The following MORF4L1 variants were observed in gnomAD, a reference collection of about 807,000 sequenced individuals.
MORF4L1 encodes the protein mortality factor 4 like 1.
Under a neutral mutation model 52.9 loss-of-function variants are expected in MORF4L1, and 4 were observed. The observed-to-expected ratio is 0.08, with a 90% CI of 0.04 to 0.17. MORF4L1 has a LOEUF of 0.17. MORF4L1 is among the 10% of genes least tolerant of loss of function. The probability of loss-of-function intolerance (pLI) is 1.00; values close to 1 mark genes in which losing one functional copy is unlikely to be tolerated. For synonymous variants in MORF4L1, 123 were observed against 134.8 expected, an observed-to-expected ratio of 0.91 and a Z score of 0.61; for missense variants, 214 against 390.4, an observed-to-expected ratio of 0.55 and a Z score of 3.81.
intron 1 of MORF4L1, among the ~76,000 whole-genome samples, chr15:78,876,062 T>C (rs555356541): frequency 1.3e-5 from 2 of 151,842 alleles, no homozygotes; most frequent in Non-Finnish European, 2.9e-5. Context: ...CTCAGCCTCC[T>C]GAGTAGCTGG....
At chr15:78,873,752 AAGTG>A (rs2056420379) in intron 1 of MORF4L1, 1 of 152,626 alleles carries the variant, frequency 6.6e-6, no homozygotes, top group Admixed American at 6.5e-5. Context: ...AGAAAAAAAA[AAGTG>A]AGATGAGCGT....
intron 1 of MORF4L1, among the ~76,000 whole-genome samples, chr15:78,875,136 C>T (rs576173599): frequency 2.0e-5 from 3 of 152,126 alleles, no homozygotes; most frequent in South Asian, 2.1e-4. Context: ...AGTTGGTTTC[C>T]TTTGTACTAG....
intron 6 of MORF4L1, 39 bp downstream of exon 6, chr15:78,891,053 C>T (rs998788317): frequency 1.4e-6 from 2 of 1,465,526 alleles, no homozygotes; most frequent in African/African-American, 1.4e-5. Context: ...TTTATGTTAC[C>T]TCTATGACAT....
chr15:78,896,281 G>A (rs1182592917), intron 11 of MORF4L1, among the ~76,000 whole-genome samples: 1 of 149,596 alleles, frequency 6.7e-6, no homozygotes, highest in Non-Finnish European at 1.5e-5. Context: ...TGGCCTGATA[G>A]GATTTTTTTC....
At chr15:78,894,945 T>C (rs761708965) in intron 11 of MORF4L1, 41 bp downstream of exon 11, 6 of 1,475,250 alleles carry the variant, frequency 4.1e-6, no homozygotes, top group Non-Finnish European at 5.7e-6. Flanking sequence ...ATTTGAAAAT[T>C]AGCGTGTAAT....
At chr15:78,889,591 CTA>C (rs879750427) in intron 5 of MORF4L1, among the ~76,000 whole-genome samples, 3 of 152,088 alleles carry the variant, frequency 2.0e-5, no homozygotes, top group East Asian at 1.9e-4. Context: ...AGTGTGAAGA[CTA>C]TTGGTTTCTC....
intron 1 of MORF4L1, among the ~76,000 whole-genome samples, chr15:78,874,755 C>CA (rs2056450568): frequency 6.9e-6 from 1 of 145,034 alleles, no homozygotes; most frequent in African/African-American, 2.5e-5. Flanking sequence ...ACCCCTCTCT[C>CA]ACCTTGAGAA....
chr15:78,880,663 A>G (rs17832351), intron 3 of MORF4L1, 84 bp downstream of exon 3: 245,434 of 990,498 alleles, frequency 0.25, 32,654 homozygotes, highest in Non-Finnish European at 0.27. Context: ...ATGCTTTTCA[A>G]TTCTGCAGTT....
chr15:78,883,002 G>C (rs1202159013), intron 3 of MORF4L1, among the ~76,000 whole-genome samples: 1 of 152,078 alleles, frequency 6.6e-6, no homozygotes, highest in Non-Finnish European at 1.5e-5. Context: ...ATCATTTGAG[G>C]TCAGGAGTTC....
At chr15:78,892,060 G>T in intron 7 of MORF4L1, 152 bp from the exon 8 acceptor site, 1 of 537,036 alleles carries the variant, frequency 1.9e-6, no homozygotes, top group Non-Finnish European at 3.3e-6. Context: ...GCGTATGGTC[G>T]TTTTTATTAA....
chr15:78,879,090 G>A (rs2056550420), intron 2 of MORF4L1, among the ~76,000 whole-genome samples: 1 of 152,008 alleles, frequency 6.6e-6, no homozygotes, highest in East Asian at 1.9e-4. Flanking sequence ...GTTCTAAAGA[G>A]CCAAACGCGG....
chr15:78,873,294 C>T (rs1222825015), intron 1 of MORF4L1: 11 of 1,310,400 alleles, frequency 8.4e-6, no homozygotes, highest in Middle Eastern at 2.7e-4. Flanking sequence ...GAGCGTTTGG[C>T]GCGTGGCACA....
intron 6 of MORF4L1, 115 bp downstream of exon 6, chr15:78,891,129 A>G (rs2141480759): frequency 8.1e-7 from 1 of 1,235,996 alleles, no homozygotes; most frequent in South Asian, 1.3e-5. Flanking sequence ...TATCTCAAAT[A>G]GGAGTCTCAC....
intron 3 of MORF4L1, among the ~76,000 whole-genome samples, chr15:78,884,203 C>CAA (rs71451729): frequency 6.5e-3 from 742 of 114,800 alleles, no homozygotes; most frequent in Non-Finnish European, 8.4e-3. Context: ...GACTCCATCT[C>CAA]AAAAAAAAAA....
At chr15:78,875,545 G>A (rs2056469091) in intron 1 of MORF4L1, among the ~76,000 whole-genome samples, 2 of 152,274 alleles carry the variant, frequency 1.3e-5, no homozygotes, top group South Asian at 2.1e-4. Flanking sequence ...GAGGTGGGTG[G>A]GGGCGGTGGA....
chr15:78,881,434 G>T (rs2056602167), intron 3 of MORF4L1, among the ~76,000 whole-genome samples: 1 of 151,996 alleles, frequency 6.6e-6, no homozygotes, highest in African/African-American at 2.4e-5. Flanking sequence ...GACCTCAGGT[G>T]ATCCACCCGC....
intron 4 of MORF4L1, 89 bp downstream of exon 4, chr15:78,886,316 G>C (rs1596246555): frequency 5.5e-5 from 63 of 1,139,478 alleles, no homozygotes; most frequent in Admixed American, 7.2e-5. Flanking sequence ...CATGTTGGCT[G>C]CCCTGCCTAT....
intron 11 of MORF4L1, among the ~76,000 whole-genome samples, 196 bp from the exon 12 acceptor site, chr15:78,896,787 T>G (rs1298234717): frequency 6.6e-6 from 1 of 152,206 alleles, no homozygotes; most frequent in African/African-American, 2.4e-5. Flanking sequence ...CCTTTGTATA[T>G]GTATAGTGTT....
chr15:78,881,539 C>T (rs1464301484), intron 3 of MORF4L1, among the ~76,000 whole-genome samples: 1 of 151,816 alleles, frequency 6.6e-6, no homozygotes, highest in Non-Finnish European at 1.5e-5. Flanking sequence ...TGTTATTGAT[C>T]TTGTTCTAGG....
Sources: allele counts gnomAD v4.1 joint callset (sites outside exome capture counted in the v4.1 genomes callset), GRCh38; gene constraint gnomAD v4.1.1; transcripts MANE v1.5; gene names NCBI Gene and HGNC (gene_info 2026-07-23, HGNC 2026-07-21).